Variants in LRRCC1 observed in about 807,000 individuals in gnomAD.
LRRCC1 encodes the protein leucine-rich repeat and coiled-coil domain-containing protein 1.
Under a neutral mutation model 126.0 loss-of-function variants are expected in LRRCC1, and 115 were observed. The observed-to-expected ratio is 0.91, with a 90% CI of 0.78 to 1.07. The LOEUF is 1.07. LRRCC1 is among the 50% of genes least tolerant of loss of function. The probability of loss-of-function intolerance (pLI) is 0.00; values close to 1 mark genes in which losing one functional copy is unlikely to be tolerated. For synonymous variants in LRRCC1, 400 were observed against 393.4 expected (o/e 1.02, Z -0.20); for missense variants, 1,172 against 1,175.7 (o/e 1.00, Z 0.05).
chr8:85,130,520 A>G (rs1438715071), intron 11 of LRRCC1, among the ~76,000 whole-genome samples: 1 of 152,124 alleles, frequency 6.6e-6, no homozygotes, highest in Non-Finnish European at 1.5e-5. Context: ...TGCCGTGTTC[A>G]TGTATGTATA....
At chr8:85,136,273 A>G (rs1347365112) in intron 14 of LRRCC1, among the ~76,000 whole-genome samples, 2 of 151,236 alleles carry the variant, frequency 1.3e-5, no homozygotes, top group African/African-American at 4.8e-5. Flanking sequence ...ATTGTTAAAA[A>G]TAATTCTTTT....
intron 11 of LRRCC1, among the ~76,000 whole-genome samples, chr8:85,130,773 G>A (rs963855499): frequency 1.3e-5 from 2 of 152,036 alleles, no homozygotes; most frequent in African/African-American, 4.8e-5. Context: ...TCTGTAAAGG[G>A]TCACATAGAA....
intron 1 of LRRCC1, chr8:85,107,740 G>T: frequency 5.5e-6 from 1 of 182,930 alleles, no homozygotes; most frequent in Non-Finnish European, 1.1e-5. Flanking sequence ...TTTGCTTGCC[G>T]TTTAATTGCT....
chr8:85,123,359 C>A, intron 6 of LRRCC1, 54 bp from the exon 7 acceptor site: 1 of 1,163,744 alleles, frequency 8.6e-7, no homozygotes, highest in Non-Finnish European at 1.2e-6. Context: ...TTTCCAATTT[C>A]AATCTTTTTT....
intron 4 of LRRCC1, among the ~76,000 whole-genome samples, chr8:85,113,934 A>G (rs1808915477): frequency 6.6e-6 from 1 of 152,112 alleles, no homozygotes. Context: ...TATACATTCT[A>G]AAGATCAGCT....
intron 12 of LRRCC1, among the ~76,000 whole-genome samples, chr8:85,134,238 T>C (rs1368288806): frequency 6.6e-6 from 1 of 152,222 alleles, no homozygotes; most frequent in Non-Finnish European, 1.5e-5. Flanking sequence ...GTTGTATAAT[T>C]TATTATGCTT....
chr8:85,123,349 T>A, intron 6 of LRRCC1, 64 bp from the exon 7 acceptor site: 1 of 1,059,564 alleles, frequency 9.4e-7, no homozygotes, highest in Non-Finnish European at 1.4e-6. Context: ...TTTCAGAAGA[T>A]TTCCAATTTC....
At chr8:85,142,186 C>T (rs1436261152) in intron 18 of LRRCC1, among the ~76,000 whole-genome samples, 1 of 151,734 alleles carries the variant, frequency 6.6e-6, no homozygotes, top group Non-Finnish European at 1.5e-5. Flanking sequence ...TCCAGCTACT[C>T]GGGAGGCTGA....
At chr8:85,138,588 G>T in intron 17 of LRRCC1, 113 bp downstream of exon 17, 1 of 1,107,748 alleles carries the variant, frequency 9.0e-7, no homozygotes, top group Non-Finnish European at 1.3e-6. Context: ...ATAGTTATTT[G>T]CCAAGAAGTT....
chr8:85,108,872 A>C (rs2135907376), intron 1 of LRRCC1: 1 of 152,152 alleles, frequency 6.6e-6, no homozygotes, highest in South Asian at 2.1e-4. Context: ...CTTCAGGAGA[A>C]GCTTCAGTTA....
At chr8:85,122,367 C>T (rs1423077507) in intron 6 of LRRCC1, among the ~76,000 whole-genome samples, 4 of 152,064 alleles carry the variant, frequency 2.6e-5, no homozygotes, top group African/African-American at 9.7e-5. Context: ...TTTCAGATTC[C>T]ATGTAGACTT....
rs1358504174 is a variant in LRRCC1 at position 85,110,158 on chromosome 8, T to C, written c.354T>C (p.Tyr118=). 7.5e-7 allele frequency: 1 copy of C among 1,330,112 alleles called. No individual in the cohort carries two copies. Among genetic ancestry groups the C allele is most frequent in the South Asian group, 1.5e-5 (1 of 68,454 alleles). 82.4% of individuals were successfully genotyped at this position (1,330,112 alleles called of 1,614,324 possible). A position where few individuals can be genotyped will look rare whatever the true frequency, so the allele number is the denominator to read the frequency against. Residue 118 remains tyrosine (Y), a synonymous_variant, in exon 3 of 19, where the codon TAT becomes TAC. Coordinates refer to ENST00000360375, the MANE Select transcript of LRRCC1 (RefSeq NM_033402.5). ...ATCTGACTAGACTAAATGTATCTTA[T>C]AACCACATAGATGATCTTAGTGGTA... ...LINLTRLNVS[Y]NHIDDLSGLI...
intron 4 of LRRCC1, among the ~76,000 whole-genome samples, chr8:85,114,128 A>G (rs1808928161): frequency 6.6e-6 from 1 of 152,120 alleles, no homozygotes; most frequent in Admixed American, 6.5e-5. Context: ...CCTGAAAATC[A>G]GGACAGATTT....
At chr8:85,137,424 G>C (rs1231225354) in intron 14 of LRRCC1, 40 bp from the exon 15 acceptor site, 3 of 1,380,914 alleles carry the variant, frequency 2.2e-6, no homozygotes, top group Admixed American at 2.7e-5. Context: ...AAACCCCCAA[G>C]GTGTTTCAAA....
At chr8:85,138,918 C>T (rs1201666713) in intron 17 of LRRCC1, among the ~76,000 whole-genome samples, 2 of 151,912 alleles carry the variant, frequency 1.3e-5, no homozygotes, top group East Asian at 1.9e-4. Flanking sequence ...TGGTGGCAAG[C>T]GCCTGTAATC....
In LRRCC1 at chr8:85,107,419, C is replaced by A; in HGVS notation, c.104+20C>A. On this transcript the variant is annotated intron_variant, in intron 1 of 18. Transcript: ENST00000360375. ...GCAGAGGTAAAGGGCGCTCCGCAGC[C>A]AGGAGCGACCCGCGCACTCCCCAGA... The A allele has an allele frequency of 1.3e-6, 2 of 1,588,158 alleles. No individual in the cohort carries two copies. The highest frequency in any genetic ancestry group is 1.7e-6 in the Non-Finnish European group (2 of 1,161,784).
intron 10 of LRRCC1, 95 bp downstream of exon 10, chr8:85,129,474 A>G (rs1810278007): frequency 9.8e-7 from 1 of 1,025,238 alleles, no homozygotes; most frequent in East Asian, 2.4e-5. Context: ...AACCTAAAAG[A>G]TGTAAGGCCA....
chr8:85,107,806 GAT>G (rs1444704078), intron 1 of LRRCC1: 1 of 157,154 alleles, frequency 6.4e-6, no homozygotes, highest in East Asian at 1.9e-4. Context: ...AAACCTGCAG[GAT>G]AGTATCTCTG....
At chr8:85,109,476 A>C (rs1808521400) in intron 1 of LRRCC1, 119 bp from the exon 2 acceptor site, 1 of 602,132 alleles carries the variant, frequency 1.7e-6, no homozygotes, top group East Asian at 2.9e-5. Context: ...ACAAATAGGA[A>C]AGATTTCATT....
Sources: gnomAD v4.1 joint callset for allele counts (sites outside exome capture counted in the v4.1 genomes callset) on GRCh38, gnomAD v4.1.1 for gene constraint, MANE v1.5 for transcripts, NCBI Gene and HGNC (gene_info 2026-07-23, HGNC 2026-07-21) for gene names.